Variants in PBX4 observed in about 807,000 individuals in gnomAD.
PBX4 encodes the protein pre-B-cell leukemia transcription factor 4.
A neutral mutation model predicts 35.1 loss-of-function variants in PBX4; 26 were observed. That is an observed-to-expected ratio of 0.74 (90% confidence interval 0.54 to 1.03). The LOEUF is 1.03. Among genes scored for constraint, PBX4 ranks in the 50% least tolerant of loss-of-function variants. PBX4 has a pLI of 0.00. For synonymous variants in PBX4, 199 were observed against 204.2 expected (o/e 0.97, Z 0.22); for missense variants, 448 against 504.3 (o/e 0.89, Z 1.07).
At chr19:19,589,922 A>G (rs909070892) in intron 2 of PBX4, among the ~76,000 whole-genome samples, 3 of 152,174 alleles carry the variant, frequency 2.0e-5, no homozygotes, top group Non-Finnish European at 4.4e-5. Flanking sequence ...GCAAGCACAC[A>G]AGACAGTTTC....
At chr19:19,608,121 G>A (rs2144786567) in intron 1 of PBX4, 1 of 152,348 alleles carries the variant, frequency 6.6e-6, no homozygotes, top group East Asian at 1.9e-4. Context: ...GGGAAGCCGA[G>A]GCGGGCAGAT....
intron 2 of PBX4, among the ~76,000 whole-genome samples, chr19:19,594,519 AT>A (rs1385336238): frequency 6.6e-6 from 1 of 152,128 alleles, no homozygotes; most frequent in Non-Finnish European, 1.5e-5. Flanking sequence ...AACAGTTGGT[AT>A]CAACTCTTGT....
At position 19,562,090 on chromosome 19, in the gene PBX4, G is replaced by A. The variant is rs1386314532; in HGVS notation, c.1060C>T (p.Pro354Ser). 7 of 1,612,406 alleles carry A rather than the reference G, an allele frequency of 4.3e-6. No homozygotes were observed. Among genetic ancestry groups the A allele is most frequent in the Non-Finnish European group, 5.9e-6 (7 of 1,179,484 alleles). The change falls in exon 8 of 8, where the codon CCC becomes TCC. Residue 354 changes from proline (P) to serine (S), a missense_variant. By Grantham distance (74) the Pro-to-Ser change is moderately conservative (BLOSUM62 -1). Coordinates refer to ENST00000251203, the MANE Select transcript of PBX4 (RefSeq NM_025245.3). This position sits in a 1 kb window ranked among gnomAD's most constrained non-coding sequence, Gnocchi z 4.8. ...QAQGSWQGAT[P>S]QPATASPAGD... The stretch of plus-strand genomic sequence containing the variant: ...GCAGGTGAGGCAGTTGCAGGTTGGG[G>A]GGTGGCCCCCTGCCAGCTACCCTGG...
rs116903729 is a variant in PBX4 at position 19,565,448 on chromosome 19, C to T, written c.769-359G>A. Among the ~76,000 whole-genome samples the T allele has an allele frequency of 5.4e-3, 818 of 152,268 alleles. 5 individuals are homozygous for T. Among genetic ancestry groups the T allele is most frequent in the Non-Finnish European group, 7.5e-3 (509 of 68,020 alleles). ...ATGCAGCAGGCGGCAGGTTACGTTC[C>T]GTGTTCTCTTCAGGAAAAGTGAGAG... is the stretch of plus-strand genomic sequence containing the variant. On this transcript the variant is annotated intron_variant, in intron 5 of 7. Transcript: ENST00000251203.
At chr19:19,567,045 A>G (rs901318574) in intron 5 of PBX4, among the ~76,000 whole-genome samples, 1 of 152,168 alleles carries the variant, frequency 6.6e-6, no homozygotes, top group African/African-American at 2.4e-5. Flanking sequence ...TGCAATGTTA[A>G]GTATAAAAAG....
At chr19:19,598,852 A>G (rs1305939559) in intron 2 of PBX4, among the ~76,000 whole-genome samples, 1 of 151,840 alleles carries the variant, frequency 6.6e-6, no homozygotes, top group African/African-American at 2.4e-5. Flanking sequence ...CACCATGCAC[A>G]TAAGGGCTGA....
At chr19:19,579,082 G>A (rs2061437704) in intron 2 of PBX4, among the ~76,000 whole-genome samples, 1 of 152,184 alleles carries the variant, frequency 6.6e-6, no homozygotes, top group Non-Finnish European at 1.5e-5. Flanking sequence ...CGGGCGTGGT[G>A]GCTCATACCT....
At chr19:19,583,067 C>T (rs541739789) in intron 2 of PBX4, among the ~76,000 whole-genome samples, 11 of 152,204 alleles carry the variant, frequency 7.2e-5, no homozygotes, top group Non-Finnish European at 1.6e-4. Flanking sequence ...CCTGTAATCC[C>T]AGCACTTTGG....
intron 2 of PBX4, among the ~76,000 whole-genome samples, chr19:19,577,532 T>G (rs1054596410): frequency 6.6e-6 from 1 of 152,106 alleles, no homozygotes; most frequent in African/African-American, 2.4e-5. Flanking sequence ...GAGGGTGCCA[T>G]TATGAGGCAA....
intron 2 of PBX4, among the ~76,000 whole-genome samples, chr19:19,578,931 T>G (rs2061436783): frequency 6.6e-6 from 1 of 152,034 alleles, no homozygotes; most frequent in Non-Finnish European, 1.5e-5. Context: ...TCATGTGAGC[T>G]CACAGTAAGA....
At chr19:19,586,643 C>T (rs1600421564) in intron 2 of PBX4, among the ~76,000 whole-genome samples, 1 of 152,096 alleles carries the variant, frequency 6.6e-6, no homozygotes, top group Non-Finnish European at 1.5e-5. Context: ...TTAAGAGCCA[C>T]AGCTAAGAAA....
At chr19:19,579,498 A>C (rs908838946) in intron 2 of PBX4, among the ~76,000 whole-genome samples, 3 of 152,196 alleles carry the variant, frequency 2.0e-5, no homozygotes, top group African/African-American at 7.2e-5. Context: ...CTTTGCCCTG[A>C]CTTCCCCAAG....
intron 1 of PBX4, among the ~76,000 whole-genome samples, chr19:19,617,475 G>A (rs2061694418): frequency 6.6e-6 from 1 of 151,966 alleles, no homozygotes. Flanking sequence ...GTAGAGACGA[G>A]GTCTTACTAC....
chr19:19,603,938 C>T (rs1288581008), intron 1 of PBX4, among the ~76,000 whole-genome samples: 1 of 124,952 alleles, frequency 8.0e-6, no homozygotes, highest in Non-Finnish European at 1.6e-5. Flanking sequence ...TCCCAGCGAG[C>T]GAGACTCCAT....
chr19:19,615,570 T>C (rs529993046), intron 1 of PBX4, among the ~76,000 whole-genome samples: 1 of 152,116 alleles, frequency 6.6e-6, no homozygotes, highest in Non-Finnish European at 1.5e-5. Context: ...AAAGGTCCGA[T>C]AAATATCGGC....
rs2144692150 is a variant in PBX4, at chr19:19,562,341, A to G, written c.1033-224T>C. ...ACATGGACGAGCTTCCCCGGCAGGAAAACTGGCCTCTAGTGGCTTCCCTGG... is the reference window on the plus strand; with the variant it reads ...ACATGGACGAGCTTCCCCGGCAGGAGAACTGGCCTCTAGTGGCTTCCCTGG... On this transcript the variant is annotated intron_variant, in intron 7 of 7. Transcript: ENST00000251203. The surrounding 1 kb of genome is among the most constrained non-coding windows in gnomAD (Gnocchi z 4.8). Among the ~76,000 whole-genome samples the G allele has an allele frequency of 6.6e-6, 1 of 152,298 alleles. No individual in the cohort carries two copies. Among genetic ancestry groups the G allele is most frequent in the East Asian group, 1.9e-4 (1 of 5,180 alleles).
intron 2 of PBX4, among the ~76,000 whole-genome samples, chr19:19,589,015 C>A (rs1277739805): frequency 6.6e-6 from 1 of 152,030 alleles, no homozygotes; most frequent in Non-Finnish European, 1.5e-5. Flanking sequence ...GTAGTCCCAG[C>A]TACTCCAGAG....
At chr19:19,569,618 T>C (rs1331766223) in intron 4 of PBX4, 34 bp from the exon 5 acceptor site, 1 of 1,607,372 alleles carries the variant, frequency 6.2e-7, no homozygotes, top group South Asian at 1.1e-5. Flanking sequence ...GGCATTAATA[T>C]GCTGGGACTC....
Position 19,561,888 on chromosome 19 carries a change from G to T in PBX4, c.*137C>A. The T allele has an allele frequency of 1.5e-6, 1 of 663,382 alleles. No homozygotes were observed. Among genetic ancestry groups the T allele is most frequent in the Admixed American group, 3.0e-5 (1 of 33,188 alleles). The allele number at this position is 663,382 out of a possible 1,614,324, so 41.1% of individuals were successfully genotyped here. ...ACACATGAGCCGGCGCCACGGGCCT[G>T]GCTGAGGAGCAGGGGCTCATGGGCA... On this transcript the variant is annotated 3_prime_UTR_variant, in exon 8 of 8. Transcript: ENST00000251203.
Sources: allele counts gnomAD v4.1 joint callset (sites outside exome capture counted in the v4.1 genomes callset), GRCh38; gene constraint gnomAD v4.1.1; non-coding constraint Gnocchi (gnomAD v3.1); transcripts MANE v1.5; gene names NCBI Gene and HGNC (gene_info 2026-07-23, HGNC 2026-07-21).